The following SLC25A21 variants were observed in gnomAD, a reference collection of about 807,000 sequenced individuals.
SLC25A21 encodes the protein solute carrier family 25 member 21, also known as mitochondrial 2-oxodicarboxylate carrier.
In SLC25A21, 47 loss-of-function variants were observed where a neutral mutation model predicts 43.8. The observed-to-expected ratio is 1.07, with a 90% CI of 0.85 to 1.37. The LOEUF is 1.37. Among genes scored for constraint, SLC25A21 ranks in the 40% most tolerant of loss-of-function variants. The pLI, the probability that SLC25A21 is intolerant of heterozygous loss-of-function variation, is 0.00. For synonymous variants in SLC25A21, 131 were observed against 121.3 expected (o/e 1.08, Z -0.52); for missense variants, 352 against 350.2 (o/e 1.00, Z -0.04).
At chr14:37,155,781 A>C (rs1963837965) in intron 1 of SLC25A21, among the ~76,000 whole-genome samples, 1 of 152,232 alleles carries the variant, frequency 6.6e-6, no homozygotes. Context: ...GAAGGAATTT[A>C]TTACCATTAG....
Position 37,079,095 on chromosome 14 carries a change from T to C in SLC25A21, c.70+93186A>G, listed in dbSNP as rs17106246. ...CTTCAAAATGTAAATGTTTTAAATGTCAGTGCTCCACTGAGGGCCCCATCA... is the reference window on the plus strand; with the variant it reads ...CTTCAAAATGTAAATGTTTTAAATGCCAGTGCTCCACTGAGGGCCCCATCA... On this transcript the variant is annotated intron_variant, in intron 1 of 9. Transcript: ENST00000331299. Among the ~76,000 whole-genome samples, 1,454 of 152,340 alleles carry C rather than the reference T, an allele frequency of 9.5e-3. 19 individuals carry two copies. Among genetic ancestry groups the C allele is most frequent in the African/African-American group, 0.033 (1,389 of 41,570 alleles).
intron 3 of SLC25A21, among the ~76,000 whole-genome samples, chr14:36,779,125 A>G (rs1281391002): frequency 6.7e-6 from 1 of 150,226 alleles, no homozygotes; most frequent in African/African-American, 2.4e-5. Flanking sequence ...AGGTTCATCT[A>G]TGTTGTTGCA....
chr14:37,028,475 G>A (rs1017243433), intron 1 of SLC25A21, among the ~76,000 whole-genome samples: 22 of 152,026 alleles, frequency 1.4e-4, no homozygotes, highest in Admixed American at 5.9e-4. Flanking sequence ...ATGGTAGGTT[G>A]GTGATGGTAT....
At chr14:36,768,959 A>C (rs200988065) in intron 3 of SLC25A21, among the ~76,000 whole-genome samples, 1 of 112,920 alleles carries the variant, frequency 8.9e-6, no homozygotes, top group Admixed American at 9.7e-5. Context: ...AAAAACCTAT[A>C]TCTATCTATA....
At chr14:36,734,888 G>C (rs1884972176) in intron 3 of SLC25A21, among the ~76,000 whole-genome samples, 2 of 152,156 alleles carry the variant, frequency 1.3e-5, no homozygotes, top group Admixed American at 1.3e-4. Context: ...TTGTGTGGCA[G>C]GTAGCTTCAA....
At chr14:36,977,623 T>G (rs1959908373) in intron 1 of SLC25A21, among the ~76,000 whole-genome samples, 1 of 152,148 alleles carries the variant, frequency 6.6e-6, no homozygotes, top group South Asian at 2.1e-4. Flanking sequence ...ACACCATAAT[T>G]TTCTACATGT....
chr14:37,068,554 A>G (rs932702672), intron 1 of SLC25A21, among the ~76,000 whole-genome samples: 1 of 152,202 alleles, frequency 6.6e-6, no homozygotes, highest in Non-Finnish European at 1.5e-5. Flanking sequence ...AGCTATACTG[A>G]ACCCATTTAG....
chr14:37,089,484 C>T (rs1962544041), intron 1 of SLC25A21, among the ~76,000 whole-genome samples: 1 of 152,152 alleles, frequency 6.6e-6, no homozygotes, highest in Non-Finnish European at 1.5e-5. Flanking sequence ...GTTATTAGCT[C>T]TTACTGTAGA....
chr14:36,757,051 C>T lies in SLC25A21; in HGVS notation c.204-22478G>A, dbSNP rs1224029065. Among the ~76,000 whole-genome samples, 8 of 143,192 alleles carry T rather than the reference C, an allele frequency of 5.6e-5. 1 individual carries two copies. The Middle Eastern group carries it at 0.01, about 183-fold the overall frequency. 93.9% of individuals were successfully genotyped at this position (143,192 alleles called of 152,430 possible). A position where few individuals can be genotyped will look rare whatever the true frequency, so the allele number is the denominator to read the frequency against. On this transcript the variant is annotated intron_variant, in intron 3 of 9. Transcript: ENST00000331299. ...GGCAGATCACTTGAGCCCAAGGGTT[C>T]AAGACCAGCCTGGGCAATATGGCAA...
chr14:37,073,390 A>AT (rs1317944484), intron 1 of SLC25A21, among the ~76,000 whole-genome samples: 1 of 151,838 alleles, frequency 6.6e-6, no homozygotes. Flanking sequence ...TATATATGCA[A>AT]TTTTTTGTAG....
At chr14:36,999,250 G>A (rs375434883) in intron 1 of SLC25A21, among the ~76,000 whole-genome samples, 22 of 152,072 alleles carry the variant, frequency 1.4e-4, no homozygotes, top group Non-Finnish European at 2.9e-4. Flanking sequence ...ACTTAAGTCC[G>A]TATTACTCAC....
chr14:36,782,522 T>A (rs575989144), intron 3 of SLC25A21, among the ~76,000 whole-genome samples: 1 of 152,180 alleles, frequency 6.6e-6, no homozygotes, highest in African/African-American at 2.4e-5. Flanking sequence ...ATCTTTGCAT[T>A]TGAAGATGCA....
intron 2 of SLC25A21, among the ~76,000 whole-genome samples, chr14:36,864,160 A>G (rs770236690): frequency 4.0e-5 from 6 of 151,788 alleles, no homozygotes; most frequent in Non-Finnish European, 8.8e-5. Flanking sequence ...TTTTAGGGTC[A>G]TTCCTAGGTT....
chr14:36,797,150 TA>T lies in SLC25A21; in HGVS notation c.203+16767del, dbSNP rs540660011. ...AAGAAATATTAGTGGTAATTATAAC[TA>T]ACATCAAATTTCAAAATATTAAAGT... On this transcript the variant is annotated intron_variant, in intron 3 of 9. Coordinates refer to ENST00000331299, the MANE Select transcript of SLC25A21 (RefSeq NM_030631.4). Among the ~76,000 whole-genome samples the T allele has an allele frequency of 2.8e-4, 42 of 152,318 alleles. 1 individual carries two copies. In the East Asian group the frequency reaches 7.5e-3, roughly 27 times the overall value.
chr14:37,127,171 G>A (rs1012756855), intron 1 of SLC25A21, among the ~76,000 whole-genome samples: 2 of 152,102 alleles, frequency 1.3e-5, no homozygotes, highest in African/African-American at 4.8e-5. Flanking sequence ...CAGGCCCCAA[G>A]CATGTCACAA....
Position 36,779,835 on chromosome 14 carries a change from A to G in SLC25A21, c.203+34083T>C, listed in dbSNP as rs981641032. Among the ~76,000 whole-genome samples, 112 of 151,656 alleles carry G rather than the reference A, an allele frequency of 7.4e-4. 1 individual carries two copies. The highest frequency in any genetic ancestry group is 1.7e-3 in the Admixed American group (26 of 15,244). ...CCCAGAAGTGGGATTTCTGGATACC[A>G]TGGTAGTTCTATTTTGAATATTTTT... On this transcript the variant is annotated intron_variant, in intron 3 of 9. Transcript: ENST00000331299.
At chr14:36,997,443 A>G (rs1960395699) in intron 1 of SLC25A21, among the ~76,000 whole-genome samples, 1 of 152,196 alleles carries the variant, frequency 6.6e-6, no homozygotes, top group African/African-American at 2.4e-5. Context: ...CAATAAAATA[A>G]CTGTTAGTTA....
At chr14:36,728,422 G>A (rs1884684575) in intron 5 of SLC25A21, among the ~76,000 whole-genome samples, 1 of 151,830 alleles carries the variant, frequency 6.6e-6, no homozygotes, top group South Asian at 2.1e-4. Context: ...CCTCTTTTTT[G>A]CCAAGCTGTT....
chr14:36,914,449 CAT>C (rs1361981656), intron 1 of SLC25A21, among the ~76,000 whole-genome samples: 2 of 152,190 alleles, frequency 1.3e-5, no homozygotes, highest in African/African-American at 4.8e-5. Flanking sequence ...AGCAACATTA[CAT>C]AAAGCAGTGC....
Sources: allele counts gnomAD v4.1 joint callset (sites outside exome capture counted in the v4.1 genomes callset), GRCh38; gene constraint gnomAD v4.1.1; transcripts MANE v1.5; gene names NCBI Gene and HGNC (gene_info 2026-07-23, HGNC 2026-07-21).